GRIK2: variants seen among roughly 807,000 people sequenced by gnomAD.
GRIK2 encodes glutamate receptor ionotropic, kainate 2.
A neutral mutation model predicts 100.3 loss-of-function variants in GRIK2; 32 were observed. The ratio of observed to expected loss-of-function variants is 0.32; its 90% CI spans 0.24 to 0.43. GRIK2 has a LOEUF of 0.43. Ranked by LOEUF, GRIK2 falls within the 20% of genes least tolerant of loss-of-function variation. The pLI, the probability that GRIK2 is intolerant of heterozygous loss-of-function variation, is 1.00. For synonymous variants in GRIK2, 417 were observed against 389.4 expected (o/e 1.07, Z -0.83); for missense variants, 843 against 1,114.9 (o/e 0.76, Z 3.47).
At chr6:101,705,017 ATATAT>A (rs1487863577) in intron 7 of GRIK2, among the ~76,000 whole-genome samples, 8 of 146,942 alleles carry the variant, frequency 5.4e-5, no homozygotes, top group South Asian at 2.1e-4. Context: ...ATTTATATTT[ATATAT>A]TATATTACAT....
At chr6:101,895,935 A>G (rs1175421122) in intron 12 of GRIK2, among the ~76,000 whole-genome samples, 2 of 151,778 alleles carry the variant, frequency 1.3e-5, no homozygotes, top group African/African-American at 4.8e-5. Flanking sequence ...TTGATTAAAT[A>G]TTGACAAATA....
At chr6:101,397,671 C>A (rs906008729) in intron 1 of GRIK2, among the ~76,000 whole-genome samples, 6 of 106,388 alleles carry the variant, frequency 5.6e-5, no homozygotes, top group African/African-American at 3.1e-4. Context: ...ACAGTGTTTT[C>A]TTGCTGTTTG....
At chr6:101,747,276 A>T (rs921945079) in intron 7 of GRIK2, among the ~76,000 whole-genome samples, 3 of 152,192 alleles carry the variant, frequency 2.0e-5, no homozygotes, top group African/African-American at 7.2e-5. Context: ...AATTCTAAAA[A>T]TGGTTTGCAT....
intron 12 of GRIK2, among the ~76,000 whole-genome samples, chr6:101,914,630 C>T (rs1180225122): frequency 6.6e-6 from 1 of 151,376 alleles, no homozygotes; most frequent in Non-Finnish European, 1.5e-5. Flanking sequence ...GCCCCCCCAC[C>T]ACACCCAAGT....
intron 14 of GRIK2, among the ~76,000 whole-genome samples, chr6:101,960,534 G>A (rs1582620596): frequency 6.6e-6 from 1 of 152,126 alleles, no homozygotes; most frequent in Non-Finnish European, 1.5e-5. Flanking sequence ...TAACTGTAAT[G>A]TATGTTGTGT....
At chr6:101,994,236 A>G (rs1470194872) in intron 14 of GRIK2, among the ~76,000 whole-genome samples, 2 of 151,110 alleles carry the variant, frequency 1.3e-5, no homozygotes, top group African/African-American at 4.8e-5. Context: ...GAAGTTCAAC[A>G]TCTGCTTTTT....
chr6:101,895,727 C>T (rs1260837250), intron 12 of GRIK2, among the ~76,000 whole-genome samples: 2 of 151,614 alleles, frequency 1.3e-5, no homozygotes, highest in Non-Finnish European at 3.0e-5. Context: ...AAAACGATTT[C>T]AATTTTAACT....
chr6:101,826,130 T>TGGGTCC (rs1176272689), intron 10 of GRIK2, among the ~76,000 whole-genome samples: 36 of 152,096 alleles, frequency 2.4e-4, no homozygotes, highest in Non-Finnish European at 5.9e-5. Context: ...TACTCACAAT[T>TGGGTCC]CAAGTACCTA....
intron 1 of GRIK2, among the ~76,000 whole-genome samples, chr6:101,398,024 T>C (rs889531537): frequency 4.6e-5 from 7 of 152,230 alleles, no homozygotes; most frequent in African/African-American, 1.7e-4. Flanking sequence ...ATTTCTTGAA[T>C]AAACTCCTAA....
chr6:101,542,650 G>A (rs1023932713), intron 2 of GRIK2, among the ~76,000 whole-genome samples: 3 of 151,998 alleles, frequency 2.0e-5, no homozygotes, highest in African/African-American at 7.2e-5. Context: ...ATTTTTAGAC[G>A]CTACTTACAA....
At chr6:101,437,672 A>C (rs1029526511) in intron 2 of GRIK2, among the ~76,000 whole-genome samples, 1 of 152,080 alleles carries the variant, frequency 6.6e-6, no homozygotes, top group Admixed American at 6.6e-5. Flanking sequence ...ATACAGTATA[A>C]TACTACTTAT....
At chr6:102,006,452 T>A (rs1208360703) in intron 14 of GRIK2, among the ~76,000 whole-genome samples, 2 of 149,190 alleles carry the variant, frequency 1.3e-5, no homozygotes, top group Admixed American at 6.7e-5. Flanking sequence ...CATTGCAGCC[T>A]GGATCTCCCA....
chr6:101,945,304 ATC>A (rs749891293), intron 14 of GRIK2, among the ~76,000 whole-genome samples: 49 of 152,150 alleles, frequency 3.2e-4, no homozygotes, highest in Non-Finnish European at 6.0e-4. Context: ...AATGTGAAAC[ATC>A]TCTCTAATAA....
chr6:101,845,569 G>A (rs1228858741), intron 10 of GRIK2, among the ~76,000 whole-genome samples: 12 of 152,056 alleles, frequency 7.9e-5, no homozygotes, highest in Admixed American at 7.9e-4. Flanking sequence ...CCACTGATTG[G>A]CATTCAGTTT....
At chr6:101,889,613 T>G in intron 11 of GRIK2, 27 bp from the exon 12 acceptor site, 1 of 944,300 alleles carries the variant, frequency 1.1e-6, no homozygotes, top group East Asian at 2.9e-5. Flanking sequence ...TTCTTTTTTT[T>G]TTTTTTTTGT....
intron 2 of GRIK2, among the ~76,000 whole-genome samples, chr6:101,466,298 A>T (rs1200033184): frequency 1.3e-5 from 2 of 151,350 alleles, no homozygotes; most frequent in Non-Finnish European, 2.9e-5. Flanking sequence ...ATTCATTAAT[A>T]TAATTCTATT....
At chr6:101,723,960 T>A (rs1222964950) in intron 7 of GRIK2, among the ~76,000 whole-genome samples, 1 of 151,854 alleles carries the variant, frequency 6.6e-6, no homozygotes, top group Non-Finnish European at 1.5e-5. Context: ...TATATTTGTA[T>A]AACCAGTGGT....
chr6:101,655,957 T>C (rs1195329164), intron 4 of GRIK2, among the ~76,000 whole-genome samples: 2 of 151,824 alleles, frequency 1.3e-5, no homozygotes, highest in African/African-American at 2.4e-5. Context: ...GACTGAAAAA[T>C]TAAGTTAGTT....
At chr6:101,659,093 CT>C (rs1769410912) in intron 4 of GRIK2, among the ~76,000 whole-genome samples, 1 of 152,080 alleles carries the variant, frequency 6.6e-6, no homozygotes, top group Non-Finnish European at 1.5e-5. Flanking sequence ...GACATGAAGT[CT>C]TTGCTCTGAA....
Sources: gnomAD v4.1 joint callset for allele counts (sites outside exome capture counted in the v4.1 genomes callset) on GRCh38, gnomAD v4.1.1 for gene constraint, MANE v1.5 for transcripts, NCBI Gene and HGNC (gene_info 2026-07-23, HGNC 2026-07-21) for gene names.